SGK3: variants seen among roughly 807,000 people sequenced by gnomAD.
The protein encoded by SGK3 is serum/glucocorticoid regulated kinase family member 3.
In SGK3, 47 loss-of-function variants were observed where a neutral mutation model predicts 68.5. The observed-to-expected ratio is 0.69, with a 90% confidence interval of 0.54 to 0.87. SGK3 has a LOEUF of 0.87. SGK3 is among the 40% of genes least tolerant of loss of function. SGK3 has a pLI of 0.00. For synonymous variants in SGK3, 181 were observed against 189.1 expected (o/e 0.96, Z 0.35); for missense variants, 479 against 575.5 (o/e 0.83, Z 1.72).
chr8:66,848,462 T>C (rs1468993300), intron 15 of SGK3, among the ~76,000 whole-genome samples: 3 of 152,218 alleles, frequency 2.0e-5, no homozygotes, highest in East Asian at 3.8e-4. Context: ...TCTTCACTTT[T>C]AACAGATGAT....
chr8:66,736,908 C>T (rs1302330468), intron 1 of SGK3, among the ~76,000 whole-genome samples: 1 of 151,926 alleles, frequency 6.6e-6, no homozygotes, highest in East Asian at 1.9e-4. Context: ...CATGAGCCAC[C>T]GTGCCCGGCC....
chr8:66,768,023 C>G (rs761777028), intron 1 of SGK3: 25 of 716,234 alleles, frequency 3.5e-5, no homozygotes, highest in Non-Finnish European at 6.1e-5. Context: ...TATTGCCGCT[C>G]TCAACCAGAT....
rs1387246415 is a variant in SGK3 at position 66,790,622 on chromosome 8, A to G, written c.-121-2994A>G. ...CTTCTCAGCTTGGCAACTGTAAGAG[A>G]TGAAGGGCTCGAATAAAACAGCCAT... On this transcript the variant is annotated intron_variant, in intron 1 of 16. Transcript: ENST00000521198. 3.9e-5 allele frequency: 6 copies of G among 152,192 alleles called. No individual in the cohort carries two copies. The East Asian group carries it at 1.2e-3, about 29-fold the overall frequency. 9.4% of individuals were successfully genotyped at this position (152,192 alleles called of 1,614,324 possible).
chr8:66,753,070 C>T (rs996211310), intron 1 of SGK3, among the ~76,000 whole-genome samples: 1 of 152,108 alleles, frequency 6.6e-6, no homozygotes, highest in Non-Finnish European at 1.5e-5. Context: ...TGAAAAAGCT[C>T]TGAATATTAC....
At chr8:66,855,001 C>G (rs1422463950) in intron 16 of SGK3, among the ~76,000 whole-genome samples, 1 of 152,052 alleles carries the variant, frequency 6.6e-6, no homozygotes, top group African/African-American at 2.4e-5. Context: ...ACAACAACAA[C>G]AAAAAGTGAA....
intron 1 of SGK3, among the ~76,000 whole-genome samples, chr8:66,743,146 GT>G (rs1279361474): frequency 2.6e-5 from 4 of 152,096 alleles, no homozygotes; most frequent in Admixed American, 2.6e-4. Context: ...AAAACTGTGG[GT>G]TGCAACCCAT....
chr8:66,851,834 T>G (rs564289524), intron 16 of SGK3, among the ~76,000 whole-genome samples: 1 of 152,316 alleles, frequency 6.6e-6, no homozygotes, highest in East Asian at 1.9e-4. Flanking sequence ...TCACTAATGA[T>G]AGCTTCCTTT....
intron 16 of SGK3, among the ~76,000 whole-genome samples, chr8:66,856,218 C>A (rs1016690166): frequency 6.6e-6 from 1 of 152,066 alleles, no homozygotes; most frequent in Non-Finnish European, 1.5e-5. Flanking sequence ...CAATAGCTGG[C>A]CACCATGCTG....
chr8:66,720,795 A>ATATATATATATAT (rs1554590881), intron 1 of SGK3, among the ~76,000 whole-genome samples: 2 of 150,848 alleles, frequency 1.3e-5, no homozygotes, highest in African/African-American at 2.5e-5. Context: ...ATATATATAT[A>ATATATATATATAT]ATTAGCCAGG....
In SGK3 at chr8:66,835,944, A is replaced by G. The variant is rs761927874; in HGVS notation, c.611A>G (p.Gln204Arg). Residue 204 changes from glutamine (Q) to arginine (R), a missense_variant and splice_region_variant, in exon 10 of 17, where the codon CAA becomes CGA. Transcript: ENST00000521198. ...ATTGATCTTTTGCCTTTTTTCCAGC[A>G]AAAACATATTATGGCTGAACGTAAT... is the stretch of plus-strand genomic sequence containing the variant. ...QKKIVLNRKE[Q>R]KHIMAERNVL... The G allele has an allele frequency of 1.2e-6, 2 of 1,612,868 alleles. No individual in the cohort carries two copies. Among genetic ancestry groups the G allele is most frequent in the South Asian group, 2.2e-5 (2 of 90,918 alleles).
At chr8:66,859,193 G>A (rs985272002) in intron 16 of SGK3, among the ~76,000 whole-genome samples, 6 of 152,000 alleles carry the variant, frequency 3.9e-5, no homozygotes, top group Non-Finnish European at 8.8e-5. Flanking sequence ...TTAGCTGGGC[G>A]TGGTAGGTGG....
intron 1 of SGK3, among the ~76,000 whole-genome samples, chr8:66,787,936 C>A (rs953168633): frequency 6.6e-6 from 1 of 152,242 alleles, no homozygotes; most frequent in Non-Finnish European, 1.5e-5. Flanking sequence ...TAAACCACCA[C>A]GTGTACTGCT....
chr8:66,762,479 T>C (rs369491648), intron 1 of SGK3, among the ~76,000 whole-genome samples: 1 of 152,032 alleles, frequency 6.6e-6, no homozygotes, highest in Admixed American at 6.6e-5. Flanking sequence ...ATCGCGCCAC[T>C]GCACTCCAGC....
chr8:66,794,373 T>C (rs762349372), intron 2 of SGK3, among the ~76,000 whole-genome samples: 2 of 152,332 alleles, frequency 1.3e-5, no homozygotes, highest in East Asian at 3.9e-4. Flanking sequence ...GTTTTTATTA[T>C]TGGAGAATAG....
chr8:66,831,145 GTGTTT>G, intron 7 of SGK3, 104 bp from the exon 8 acceptor site: 1 of 1,287,484 alleles, frequency 7.8e-7, no homozygotes. Context: ...ATAGGCTGAA[GTGTTT>G]TGTGCCTAAC....
At chr8:66,726,820 AAAAG>A (rs1324061967) in intron 1 of SGK3, among the ~76,000 whole-genome samples, 2 of 150,846 alleles carry the variant, frequency 1.3e-5, no homozygotes, top group African/African-American at 2.5e-5. Flanking sequence ...AAAAAAAAAA[AAAAG>A]ATTTAAAAGC....
At chr8:66,715,649 T>C (rs1404294721) in intron 1 of SGK3, among the ~76,000 whole-genome samples, 2 of 152,216 alleles carry the variant, frequency 1.3e-5, no homozygotes. Flanking sequence ...AAACTATGTG[T>C]TTTATTGAAA....
At chr8:66,745,920 C>A (rs1012877264) in intron 1 of SGK3, among the ~76,000 whole-genome samples, 1 of 152,078 alleles carries the variant, frequency 6.6e-6, no homozygotes, top group South Asian at 2.1e-4. Flanking sequence ...GTCCTAAACA[C>A]CTCCCAAAAG....
chr8:66,853,458 A>G (rs1010880787), intron 16 of SGK3, among the ~76,000 whole-genome samples: 1 of 152,180 alleles, frequency 6.6e-6, no homozygotes, highest in South Asian at 2.1e-4. Flanking sequence ...TGATTTTCCA[A>G]TCGGTTAGTG....
Sources: allele counts gnomAD v4.1 joint callset (sites outside exome capture counted in the v4.1 genomes callset), GRCh38; gene constraint gnomAD v4.1.1; transcripts MANE v1.5; gene names NCBI Gene and HGNC (gene_info 2026-07-23, HGNC 2026-07-21).